The following SEPHS1 variants were observed in gnomAD, a reference collection of about 807,000 sequenced individuals.
SEPHS1 encodes the protein zincore component SEPHS1.
SEPHS1 carries 7 observed loss-of-function variants against 39.2 expected under a neutral mutation model. The ratio of observed to expected loss-of-function variants is 0.18; its 90% CI spans 0.10 to 0.34. The LOEUF is 0.34. SEPHS1 is among the 10% of genes least tolerant of loss of function. The probability of loss-of-function intolerance (pLI) is 1.00; values close to 1 mark genes in which losing one functional copy is unlikely to be tolerated. For missense variants in SEPHS1, 253 were observed against 514.5 expected (o/e 0.49, Z 4.92); for synonymous variants, 190 against 195.5 (o/e 0.97, Z 0.23).
chr10:13,337,042 T>A (rs765898214), intron 3 of SEPHS1, among the ~76,000 whole-genome samples: 5 of 152,166 alleles, frequency 3.3e-5, no homozygotes, highest in African/African-American at 7.2e-5. Context: ...TCTCAGCTAC[T>A]TGGGAGCCTG....
chr10:13,325,953 A>ATAATAATAATAAT (rs1222340270), intron 7 of SEPHS1, among the ~76,000 whole-genome samples: 14 of 112,278 alleles, frequency 1.2e-4, no homozygotes, highest in African/African-American at 5.4e-4. Context: ...TCTCAAAAAA[A>ATAATAATAATAAT]AAAAAAAAAA....
At position 13,322,858 on chromosome 10, in the gene SEPHS1, T is replaced by A; in HGVS notation, c.941A>T (p.His314Leu). 6.2e-7 allele frequency: 1 copy of A among 1,613,846 alleles called. No homozygotes were observed. The highest frequency in any genetic ancestry group is 1.7e-5 in the Admixed American group (1 of 60,018). ...KACGNMFGLM[H>L]GTCPETSGGL... is the part of the protein sequence containing the mutation. Reference sequence around the variant, plus strand: ...ACCTGAAGTCTCCGGGCAGGTCCCGTGCATGAGGCCGAACATGTTTCCGCA... The same window carrying A: ...ACCTGAAGTCTCCGGGCAGGTCCCGAGCATGAGGCCGAACATGTTTCCGCA... Residue 314 changes from histidine (H) to leucine (L), a missense_variant, in exon 8 of 9, where the codon CAC becomes CTC. By Grantham distance (99) the His-to-Leu change is moderately conservative. Around this residue, in one of 4 missense-constraint regions of SEPHS1, gnomAD observed 107 missense variants for 257.1 expected, o/e 0.42. Coordinates refer to ENST00000327347, the MANE Select transcript of SEPHS1 (RefSeq NM_012247.5).
intron 2 of SEPHS1, among the ~76,000 whole-genome samples, chr10:13,339,924 T>C (rs1833740220): frequency 6.6e-6 from 1 of 152,210 alleles, no homozygotes; most frequent in African/African-American, 2.4e-5. Flanking sequence ...CCCACGAGGA[T>C]TCTGCAGATA....
At chr10:13,332,792 G>A (rs11258333) in intron 5 of SEPHS1, among the ~76,000 whole-genome samples, 4 of 151,078 alleles carry the variant, frequency 2.6e-5, no homozygotes, top group South Asian at 2.1e-4. Context: ...GCAGTGAGCC[G>A]AGATCATACC....
At chr10:13,347,045 G>C (rs149593091) in intron 1 of SEPHS1, among the ~76,000 whole-genome samples, 3 of 152,178 alleles carry the variant, frequency 2.0e-5, no homozygotes. Flanking sequence ...GCAGTGATTA[G>C]GGAACCAGGG....
rs567954830 is a variant in SEPHS1 at position 13,338,771 on chromosome 10, G to A, written c.231C>T (p.His77=). The part of the protein sequence containing the change: ...GMDTCVIPLR[H]GGLSLVQTTD... ...TGGTTTGAACCAAGGAAAGCCCACCGTGCCTCAAAGGAATGACACAAGTAT... is the reference window on the plus strand; with the variant it reads ...TGGTTTGAACCAAGGAAAGCCCACCATGCCTCAAAGGAATGACACAAGTAT... Residue 77 remains histidine, a synonymous_variant, in exon 3 of 9, where the codon CAC becomes CAT. Transcript: ENST00000327347. The A allele has an allele frequency of 1.1e-5, 18 of 1,614,128 alleles. No homozygotes were observed. The highest frequency in any genetic ancestry group is 8.8e-5 in the South Asian group (8 of 91,080).
rs74120578 is a variant in SEPHS1 at position 13,337,770 on chromosome 10, C to T, written c.297+935G>A. 5.4e-3 allele frequency among the ~76,000 whole-genome samples: 817 copies of T among 152,298 alleles called. 5 individuals carry two copies. Among genetic ancestry groups the T allele is most frequent in the African/African-American group, 0.018 (768 of 41,560 alleles). On this transcript the variant is annotated intron_variant, in intron 3 of 8. Transcript: ENST00000327347. Reference sequence around the variant, plus strand: ...GCCACCTGGTCATGTGGGACCTGGGCTGTGGCTTACCTGCCCAGTCTCAAG... The same window carrying T: ...GCCACCTGGTCATGTGGGACCTGGGTTGTGGCTTACCTGCCCAGTCTCAAG...
intron 7 of SEPHS1, among the ~76,000 whole-genome samples, chr10:13,325,946 CAAAAAA>C (rs201372928): frequency 1.3e-3 from 44 of 34,272 alleles, no homozygotes; most frequent in South Asian, 3.3e-3. Flanking sequence ...GACTCAGTCT[CAAAAAA>C]AAAAAAAAAA....
rs1833158659 is a variant in SEPHS1 at position 13,322,975 on chromosome 10, G to C, written c.824C>G (p.Ala275Gly). 1 of 1,614,084 alleles carries C rather than the reference G, an allele frequency of 6.2e-7. No homozygotes were observed. Among genetic ancestry groups the C allele is most frequent in the Non-Finnish European group, 8.5e-7 (1 of 1,179,984 alleles). Reference protein sequence around the residue: ...DITGFGILGHAQNLAKQQRNE... With the variant: ...DITGFGILGHGQNLAKQQRNE... ...CCTCTGCTGCTTGGCCAGGTTCTGCGCATGGCCCAAAATCCCGAAGCCCGT... is the reference window on the plus strand; with the variant it reads ...CCTCTGCTGCTTGGCCAGGTTCTGCCCATGGCCCAAAATCCCGAAGCCCGT... The change falls in exon 8 of 9, where the codon GCG (alanine) becomes GGG (glycine). Residue 275 changes from alanine (A) to glycine (G), a missense_variant. By Grantham distance (60) the Ala-to-Gly change is moderately conservative. Coordinates refer to ENST00000327347, the MANE Select transcript of SEPHS1 (RefSeq NM_012247.5).
chr10:13,341,956 T>C lies in SEPHS1; in HGVS notation c.193+2802A>G, dbSNP rs4475828. Among the ~76,000 whole-genome samples the C allele has an allele frequency of 4.5e-3, 573 of 127,860 alleles. 5 individuals carry two copies. Among genetic ancestry groups the C allele is most frequent in the African/African-American group, 0.016 (547 of 33,796 alleles). 83.9% of individuals were successfully genotyped at this position (127,860 alleles called of 152,430 possible). ...CACCACTGTACTCAAGCCTGGGTGA[T>C]GGAGTGAGACTCTATCTCAAGGAAA... On this transcript the variant is annotated intron_variant, in intron 2 of 8. Transcript: ENST00000327347.
At chr10:13,329,594 C>T (rs1833409305) in intron 6 of SEPHS1, 104 bp downstream of exon 6, 1 of 784,676 alleles carries the variant, frequency 1.3e-6, no homozygotes, top group African/African-American at 1.7e-5. Context: ...AATATTAACT[C>T]CCTGGATATG....
intron 2 of SEPHS1, among the ~76,000 whole-genome samples, chr10:13,340,539 ATAT>A (rs753869245): frequency 3.9e-5 from 6 of 152,218 alleles, no homozygotes; most frequent in Non-Finnish European, 8.8e-5. Flanking sequence ...TATTCTGAGT[ATAT>A]TATTATTCAC....
chr10:13,321,377 G>C (rs1037166209), intron 8 of SEPHS1, among the ~76,000 whole-genome samples: 12 of 152,080 alleles, frequency 7.9e-5, no homozygotes, highest in African/African-American at 2.9e-4. Context: ...CTCTGGAGTA[G>C]CTGGGATTAC....
rs563850571 is a variant in SEPHS1 at position 13,345,878 on chromosome 10, T to C, written c.-78-850A>G. ...GGCGAGAGTGAGACTCCGTCTCAAA[T>C]AAAAAATAAAAAAATACACAATGCA... On this transcript the variant is annotated intron_variant, in intron 1 of 8. Transcript: ENST00000327347. Among the ~76,000 whole-genome samples, 120 of 152,120 alleles carry C rather than the reference T, an allele frequency of 7.9e-4. 1 individual carries two copies. The highest frequency in any genetic ancestry group is 2.7e-3 in the African/African-American group (112 of 41,504).
chr10:13,346,400 A>G (rs965957786), intron 1 of SEPHS1, among the ~76,000 whole-genome samples: 7 of 152,194 alleles, frequency 4.6e-5, no homozygotes, highest in Admixed American at 2.6e-4. Context: ...CACATCGCTC[A>G]TATAAATCTC....
chr10:13,322,590 T>G (rs72781399), intron 8 of SEPHS1, among the ~76,000 whole-genome samples: 5,328 of 152,262 alleles, frequency 0.035, 135 homozygotes, highest in East Asian at 0.081. Flanking sequence ...ATTTCCCCCA[T>G]CACCATATCC....
intron 1 of SEPHS1, chr10:13,347,253 C>G (rs2130708035): frequency 6.6e-6 from 1 of 151,934 alleles, no homozygotes; most frequent in East Asian, 1.9e-4. Flanking sequence ...GCCCGGCGCG[C>G]TGCCCCGCCA....
At chr10:13,328,293 C>T in intron 7 of SEPHS1, 58 bp downstream of exon 7, 3 of 1,225,640 alleles carry the variant, frequency 2.4e-6, no homozygotes, top group Non-Finnish European at 3.6e-6. Flanking sequence ...CCAGAAAAGC[C>T]TAAGACATTT....
At chr10:13,322,803 T>G (rs781748836) in intron 8 of SEPHS1, 32 bp downstream of exon 8, 47 of 1,597,490 alleles carry the variant, frequency 2.9e-5, no homozygotes, top group Non-Finnish European at 3.8e-5. Context: ...AGCCTCACTA[T>G]TTAGTCCTCA....
Sources: gnomAD v4.1 joint callset for allele counts (sites outside exome capture counted in the v4.1 genomes callset) on GRCh38, gnomAD v4.1.1 for gene constraint, gnomAD v4.1.1 regional missense constraint, MANE v1.5 for transcripts, NCBI Gene and HGNC (gene_info 2026-07-23, HGNC 2026-07-21) for gene names.